FHAD1: variants seen among roughly 807,000 people sequenced by gnomAD.
FHAD1 encodes forkhead associated phosphopeptide binding domain 1, also known as forkhead-associated domain-containing protein 1.
FHAD1 carries 146 observed loss-of-function variants against 191.3 expected under a neutral mutation model. The observed-to-expected ratio is 0.76, with a 90% confidence interval of 0.67 to 0.88. The LOEUF is 0.88. Ranked by LOEUF, FHAD1 falls within the 40% of genes least tolerant of loss-of-function variation. FHAD1 has a pLI of 0.00. For missense variants in FHAD1, 1,635 were observed against 1,785.8 expected (o/e 0.92, Z 1.52); for synonymous variants, 616 against 672.3 (o/e 0.92, Z 1.29).
chr1:15,402,217 G>C (rs1707144789), downstream of FHAD1, among the ~76,000 whole-genome samples: 1 of 152,204 alleles, frequency 6.6e-6, no homozygotes, highest in Admixed American at 6.5e-5. Context: ...GTGTTAGTTA[G>C]ACCTCATGGC....
At chr1:15,389,255 G>C (rs1257669840) in intron 32 of FHAD1, among the ~76,000 whole-genome samples, 7 of 151,894 alleles carry the variant, frequency 4.6e-5, no homozygotes, top group African/African-American at 1.7e-4. Context: ...AGACCAGCCT[G>C]GGCAACATGG....
rs1658618316 is a variant in FHAD1, at chr1:15,276,989, A to C, written c.300+4460A>C. Among the ~76,000 whole-genome samples, 1 of 152,214 alleles carries C rather than the reference A, an allele frequency of 6.6e-6. No homozygotes were observed. Among genetic ancestry groups the C allele is most frequent in the Non-Finnish European group, 1.5e-5 (1 of 68,030 alleles). On this transcript the variant is annotated intron_variant, in intron 3 of 33. Transcript: ENST00000688493. This position sits in a 1 kb window ranked among gnomAD's most constrained non-coding sequence, Gnocchi z 4.7. ...GTCAGGCGTGTGAAATCCAAGTCAC[A>C]AAGTCAGATGTGCTTGCCGCGTTGT...
chr1:15,371,430 G>A (rs55841500), intron 26 of FHAD1, among the ~76,000 whole-genome samples: 4 of 151,998 alleles, frequency 2.6e-5, no homozygotes, highest in African/African-American at 9.7e-5. Flanking sequence ...TTCCTCCTTC[G>A]GGCTCCTTCC....
intron 18 of FHAD1, among the ~76,000 whole-genome samples, chr1:15,348,818 C>G (rs1357606850): frequency 6.6e-6 from 1 of 152,114 alleles, no homozygotes; most frequent in Non-Finnish European, 1.5e-5. Flanking sequence ...TCTCCGACTT[C>G]CTGCTCCTCG....
In FHAD1 at chr1:15,237,216, C is replaced by G. The variant is rs780895590; in HGVS notation, c.-15+455C>G. Among the ~76,000 whole-genome samples, 12 of 152,304 alleles carry G rather than the reference C, an allele frequency of 7.9e-5. 2 individuals are homozygous for G. The highest frequency in any genetic ancestry group is 3.4e-3 in the Middle Eastern group (1 of 294). Reference sequence around the variant, plus strand: ...TCACTCCACAGAAAGAGGCTGTATCCTCCATCAACTAGTTGAAAGTATTTT... The same window carrying G: ...TCACTCCACAGAAAGAGGCTGTATCGTCCATCAACTAGTTGAAAGTATTTT... On this transcript the variant is annotated intron_variant, in intron 1 of 33. Coordinates refer to the FHAD1 transcript ENST00000683790.
chr1:15,271,138 CGGAAAAA>C (rs1172271264), intron 2 of FHAD1, among the ~76,000 whole-genome samples: 163 of 67,570 alleles, frequency 2.4e-3, no homozygotes, highest in African/African-American at 9.8e-3. Flanking sequence ...GACTCCATCT[CGGAAAAA>C]AAAAAAAAAA....
intron 7 of FHAD1, among the ~76,000 whole-genome samples, chr1:15,310,825 T>C (rs542490966): frequency 2.0e-5 from 3 of 152,188 alleles, no homozygotes; most frequent in East Asian, 3.9e-4. Flanking sequence ...CATGGGTCAG[T>C]AGGGGCTTTG....
At chr1:15,274,332 G>T (rs376415664) in intron 3 of FHAD1, among the ~76,000 whole-genome samples, 1 of 152,188 alleles carries the variant, frequency 6.6e-6, no homozygotes, top group Non-Finnish European at 1.5e-5. Context: ...TTTTGGCCAG[G>T]CATGGTGGCT....
chr1:15,272,511 C>A lies in FHAD1; in HGVS notation c.282C>A (p.Val94=). ...FGSAGLTYEL[V]IENPPPVSFP... ...CTGCAGGGCTGACCTATGAACTGGT[C>A]ATTGAAAATCCACCTCCGGTGAGTC... The change falls in exon 3 of 34, where the codon GTC becomes GTA. Residue 94 remains valine, a synonymous_variant. Transcript: ENST00000688493. 1.3e-6 allele frequency: 2 copies of A among 1,545,966 alleles called. No homozygotes were observed. Among genetic ancestry groups the A allele is most frequent in the South Asian group, 2.4e-5 (2 of 83,866 alleles).
Position 15,312,957 on chromosome 1 carries a change from C to T in FHAD1, c.1040-100C>T. ...GCTCCTGGGATCCTTGGAGACACCT[C>T]CCTTCTCAGTGCCAGGCTCGTCACA... On this transcript the variant is annotated intron_variant, in intron 7 of 33. Coordinates refer to ENST00000688493, the MANE Select transcript of FHAD1 (RefSeq NM_001391957.1). This position sits in a 1 kb window ranked among gnomAD's most constrained non-coding sequence, Gnocchi z 4.7. 6.9e-7 allele frequency: 1 copy of T among 1,439,616 alleles called. No individual in the cohort carries two copies. The highest frequency in any genetic ancestry group is 9.4e-7 in the Non-Finnish European group (1 of 1,064,208). 89.2% of individuals were successfully genotyped at this position (1,439,616 alleles called of 1,614,324 possible). A position where few individuals can be genotyped will look rare whatever the true frequency, so the allele number is the denominator to read the frequency against.
intron 20 of FHAD1, among the ~76,000 whole-genome samples, chr1:15,353,597 C>T (rs1258876122): frequency 1.3e-5 from 2 of 150,132 alleles, no homozygotes; most frequent in Non-Finnish European, 2.9e-5. Flanking sequence ...CCCAGCTACT[C>T]AGAAGGCTGA....
chr1:15,295,599 C>A (rs919758736), intron 4 of FHAD1, among the ~76,000 whole-genome samples: 3 of 152,110 alleles, frequency 2.0e-5, no homozygotes, highest in Admixed American at 6.6e-5. Flanking sequence ...CAGAGCGAGA[C>A]CCTGTCTGTC....
rs1235995205 is a variant in FHAD1 at position 15,331,553 on chromosome 1, T to C, written c.1906+2012T>C. Among the ~76,000 whole-genome samples the C allele has an allele frequency of 6.2e-4, 13 of 20,884 alleles. No individual in the cohort carries two copies. In the East Asian group the frequency reaches 0.017, roughly 27 times the overall value. The allele number at this position is 20,884 out of a possible 152,430, so 13.7% of individuals were successfully genotyped here. ...ATGAAAGGATGGATGGAAGTGTGGG[T>C]GGGTGGGTGGATGGATGGGAGGAAG... On this transcript the variant is annotated intron_variant, in intron 14 of 33. Transcript: ENST00000688493.
intron 1 of FHAD1, among the ~76,000 whole-genome samples, chr1:15,240,950 CT>C: frequency 1.0e-5 from 1 of 97,762 alleles, no homozygotes. Context: ...GAGCGAGACT[CT>C]ATCTCAAAAA....
chr1:15,345,395 G>A (rs1413890347), intron 17 of FHAD1, 21 bp from the exon 18 acceptor site: 1 of 1,548,216 alleles, frequency 6.5e-7, no homozygotes, highest in Admixed American at 2.0e-5. Context: ...CATGTCTATT[G>A]AACAATGATC....
chr1:15,238,947 A>T (rs1375517198), intron 1 of FHAD1, among the ~76,000 whole-genome samples: 1 of 152,144 alleles, frequency 6.6e-6, no homozygotes, highest in East Asian at 1.9e-4. Flanking sequence ...TCACTAAGTC[A>T]CCCAGGCAGG....
chr1:15,354,313 C>G (rs576335911), intron 20 of FHAD1, among the ~76,000 whole-genome samples: 1 of 152,176 alleles, frequency 6.6e-6, no homozygotes, highest in Non-Finnish European at 1.5e-5. Flanking sequence ...CTTTAAACAA[C>G]GCTGCTCTAG....
intron 20 of FHAD1, among the ~76,000 whole-genome samples, chr1:15,355,562 C>T (rs1296654822): frequency 6.6e-6 from 1 of 152,190 alleles, no homozygotes; most frequent in South Asian, 2.1e-4. Flanking sequence ...ATGGTCTACT[C>T]GTAAGCAGGG....
At chr1:15,296,485 C>G (rs1667020090) in intron 4 of FHAD1, 199 bp from the exon 5 acceptor site, 1 of 564,066 alleles carries the variant, frequency 1.8e-6, no homozygotes, top group Admixed American at 2.3e-5. Flanking sequence ...AATCTTCTGA[C>G]TGCATGATCC....
Sources: allele counts gnomAD v4.1 joint callset (sites outside exome capture counted in the v4.1 genomes callset), GRCh38; gene constraint gnomAD v4.1.1; non-coding constraint Gnocchi (gnomAD v3.1); transcripts MANE v1.5; gene names NCBI Gene and HGNC (gene_info 2026-07-23, HGNC 2026-07-21).